Variants in TNN observed in about 807,000 individuals in gnomAD.
TNN encodes tenascin-N.
Under a neutral mutation model 134.4 loss-of-function variants are expected in TNN, and 122 were observed. That is an observed-to-expected ratio of 0.91 (90% CI 0.78 to 1.06). TNN has a LOEUF of 1.06. Among genes scored for constraint, TNN ranks in the 50% least tolerant of loss-of-function variants. The probability of loss-of-function intolerance (pLI) is 0.00; values close to 1 mark genes in which losing one functional copy is unlikely to be tolerated. For synonymous variants in TNN, 710 were observed against 670.3 expected (o/e 1.06, Z -0.91); for missense variants, 1,739 against 1,699.4 (o/e 1.02, Z -0.41).
At chr1:175,113,023 G>A (rs1675074844) in intron 9 of TNN, among the ~76,000 whole-genome samples, 1 of 152,082 alleles carries the variant, frequency 6.6e-6, no homozygotes, top group Admixed American at 6.6e-5. Flanking sequence ...TTGTTTTCTA[G>A]ATTATTTTGT....
chr1:175,127,142 A>G, intron 13 of TNN, 57 bp downstream of exon 13: 1 of 1,580,996 alleles, frequency 6.3e-7, no homozygotes, highest in Non-Finnish European at 8.6e-7. Flanking sequence ...GAAGCAACTA[A>G]CTTGGGCCAA....
Position 175,145,042 on chromosome 1 carries a change from C to A in TNN, c.3759+492C>A, listed in dbSNP as rs530388427. 6.6e-5 allele frequency among the ~76,000 whole-genome samples: 10 copies of A among 152,182 alleles called. No individual in the cohort carries two copies. The East Asian group carries it at 1.7e-3, about 26-fold the overall frequency. On this transcript the variant is annotated intron_variant, in intron 18 of 18. Coordinates refer to ENST00000239462, the MANE Select transcript of TNN (RefSeq NM_022093.2). The stretch of plus-strand genomic sequence containing the variant: ...TCCTCACATGGCGGACAGAAAGGAG[C>A]TCTGATCTCTTCTTCATATAGGGGC...
intron 1 of TNN, among the ~76,000 whole-genome samples, chr1:175,071,427 C>A (rs1004645685): frequency 1.3e-5 from 2 of 152,142 alleles, no homozygotes; most frequent in African/African-American, 4.8e-5. Context: ...AGTATCTGTG[C>A]ACTTTGGTGT....
chr1:175,133,342 T>G (rs1229653914), intron 15 of TNN, among the ~76,000 whole-genome samples: 1 of 152,238 alleles, frequency 6.6e-6, no homozygotes, highest in Non-Finnish European at 1.5e-5. Flanking sequence ...ATTTTCTTGC[T>G]TCTCACTCAT....
chr1:175,101,376 C>G (rs1033153124), intron 9 of TNN, among the ~76,000 whole-genome samples: 1 of 146,418 alleles, frequency 6.8e-6, no homozygotes, highest in African/African-American at 2.5e-5. Flanking sequence ...TGCAGATCTT[C>G]GCGGTGTTAC....
At chr1:175,106,088 T>C (rs1194812044) in intron 9 of TNN, among the ~76,000 whole-genome samples, 1 of 145,636 alleles carries the variant, frequency 6.9e-6, no homozygotes, top group Non-Finnish European at 1.5e-5. Context: ...CCTGCACCCT[T>C]GCCTGTCCTC....
chr1:175,121,857 TAAATATTTAAGTTC>T (rs1458261992), intron 11 of TNN, among the ~76,000 whole-genome samples: 1 of 152,244 alleles, frequency 6.6e-6, no homozygotes, highest in East Asian at 1.9e-4. Context: ...TCAAGACTTT[TAAATATTTAAGTTC>T]AAGATACTTG....
At position 175,147,004 on chromosome 1, in the gene TNN, G is replaced by T; in HGVS notation, c.3833G>T (p.Gly1278Val). 6.2e-7 allele frequency: 1 copy of T among 1,606,394 alleles called. No individual in the cohort carries two copies. Among genetic ancestry groups the T allele is most frequent in the Non-Finnish European group, 8.5e-7 (1 of 1,175,364 alleles). Residue 1278 changes from glycine to valine, a missense_variant, in exon 19 of 19, where the codon GGC (glycine) becomes GTC (valine). Transcript: ENST00000239462. ...PYVELKIRPH[G>V]YSREPVLGRK... ...GTGGAGTTGAAAATCCGCCCTCATG[G>T]CTACAGCAGGGAGCCTGTCCTGGGC...
In TNN at chr1:175,123,477, G is replaced by A; in HGVS notation, c.2728G>A (p.Ala910Thr). The change falls in exon 12 of 19, where the codon GCC becomes ACC. Residue 910 changes from alanine to threonine, a missense_variant. By Grantham distance (58) the Ala-to-Thr change is moderately conservative (BLOSUM62 0). Coordinates refer to ENST00000239462, the MANE Select transcript of TNN (RefSeq NM_022093.2). ...MATVSWDPVQATIDKYMVRYT... is the reference protein window; with the variant it reads ...MATVSWDPVQTTIDKYMVRYT... Reference sequence around the variant, plus strand: ...CACTGTCTCCTGGGACCCGGTTCAGGCCACCATTGACAAGTACATGGTGCG... The same window carrying A: ...CACTGTCTCCTGGGACCCGGTTCAGACCACCATTGACAAGTACATGGTGCG... 1.9e-6 allele frequency: 3 copies of A among 1,614,198 alleles called. No homozygotes were observed. The African/African-American group carries it at 4.0e-5, about 22-fold the overall frequency.
intron 4 of TNN, among the ~76,000 whole-genome samples, chr1:175,083,427 G>A (rs1674245717): frequency 6.6e-6 from 1 of 152,232 alleles, no homozygotes. Flanking sequence ...GCTCTGGACT[G>A]AGTGGTTTGG....
chr1:175,125,814 C>T (rs1257867720), intron 12 of TNN, among the ~76,000 whole-genome samples: 1 of 139,158 alleles, frequency 7.2e-6, no homozygotes, highest in East Asian at 2.1e-4. Flanking sequence ...TCCTTCCCTC[C>T]CTCCCTCCTT....
intron 8 of TNN, 70 bp downstream of exon 8, chr1:175,097,753 G>A: frequency 6.3e-7 from 1 of 1,587,140 alleles, no homozygotes; most frequent in Non-Finnish European, 8.6e-7. Context: ...TGGTATCAAA[G>A]GATGTGGCCT....
chr1:175,125,826 CTTTCTTTCTTTTTTCTT>C (rs1430903595), intron 12 of TNN, among the ~76,000 whole-genome samples: 2,171 of 52,510 alleles, frequency 0.041, 63 homozygotes, highest in African/African-American at 0.17. Context: ...TCCCTCCTTT[CTTTCTTTCTTTTTTCTT>C]TTTCTTTCTT....
At chr1:175,107,016 C>T (rs1348502139) in intron 9 of TNN, among the ~76,000 whole-genome samples, 1 of 146,170 alleles carries the variant, frequency 6.8e-6, no homozygotes, top group Non-Finnish European at 1.5e-5. Flanking sequence ...TCCGATGGTA[C>T]TCACTGCTTG....
chr1:175,094,564 GC>G (rs1674527791), intron 7 of TNN, among the ~76,000 whole-genome samples: 1 of 152,144 alleles, frequency 6.6e-6, no homozygotes. Context: ...AAAACATTGG[GC>G]TGACAGTGAA....
intron 17 of TNN, among the ~76,000 whole-genome samples, chr1:175,143,947 C>A (rs1410429212): frequency 6.6e-6 from 1 of 151,966 alleles, no homozygotes. Context: ...GAGTGACCTG[C>A]AGAGGGAGGG....
At chr1:175,098,655 T>G in intron 9 of TNN, 60 bp downstream of exon 9, 1 of 1,606,390 alleles carries the variant, frequency 6.2e-7, no homozygotes, top group Non-Finnish European at 8.5e-7. Flanking sequence ...TACATGGGGT[T>G]TTCTTCTCTG....
In TNN at chr1:175,080,429, G is replaced by A. The variant is rs1674174055; in HGVS notation, c.1048+3G>A. Reference sequence around the variant, plus strand: ...ACAGCATCTACTTGCCACCACAGGTGAGGAAGCCACCTGATGCCCCAGGGT... The same window carrying A: ...ACAGCATCTACTTGCCACCACAGGTAAGGAAGCCACCTGATGCCCCAGGGT... On this transcript the variant is annotated splice_donor_region_variant and intron_variant, in intron 4 of 18. Transcript: ENST00000239462. 1.2e-6 allele frequency: 2 copies of A among 1,613,528 alleles called. No homozygotes were observed. The highest frequency in any genetic ancestry group is 1.7e-6 in the Non-Finnish European group (2 of 1,179,520).
intron 17 of TNN, among the ~76,000 whole-genome samples, chr1:175,138,985 A>C (rs1675883920): frequency 6.6e-6 from 1 of 152,266 alleles, no homozygotes; most frequent in Admixed American, 6.5e-5. Flanking sequence ...GAAAAGGCAC[A>C]GTGAGAATAT....
Sources: allele counts gnomAD v4.1 joint callset (sites outside exome capture counted in the v4.1 genomes callset), GRCh38; gene constraint gnomAD v4.1.1; transcripts MANE v1.5; gene names NCBI Gene and HGNC (gene_info 2026-07-23, HGNC 2026-07-21).